The following RABEP1 variants were observed in gnomAD, a reference collection of about 807,000 sequenced individuals.
The protein encoded by RABEP1 is rab GTPase-binding effector protein 1.
RABEP1 carries 51 observed loss-of-function variants against 123.4 expected under a neutral mutation model. The observed-to-expected ratio is 0.41, with a 90% CI of 0.33 to 0.52. The LOEUF is 0.52. RABEP1 is among the 20% of genes least tolerant of loss of function. RABEP1 has a pLI of 0.16. For synonymous variants in RABEP1, 347 were observed against 355.2 expected (o/e 0.98, Z 0.26); for missense variants, 888 against 996.3 (o/e 0.89, Z 1.46).
intron 1 of RABEP1, among the ~76,000 whole-genome samples, chr17:5,302,243 C>CTTTTTTTTTTTTTT (rs1567869348): frequency 4.6e-5 from 1 of 21,566 alleles, no homozygotes; most frequent in African/African-American, 3.0e-4. Context: ...TTACTGAAAA[C>CTTTTTTTTTTTTTT]ATTTTTTTTT....
chr17:5,294,942 G>A (rs1350159595), intron 1 of RABEP1, among the ~76,000 whole-genome samples: 1 of 151,034 alleles, frequency 6.6e-6, no homozygotes, highest in Non-Finnish European at 1.5e-5. Flanking sequence ...CACCGTGCCC[G>A]GCCAACGGTA....
chr17:5,379,163 C>CAGA (rs1911241735), intron 15 of RABEP1, among the ~76,000 whole-genome samples: 1 of 152,216 alleles, frequency 6.6e-6, no homozygotes, highest in Admixed American at 6.5e-5. Context: ...TCACTCTCAG[C>CAGA]AGATGCTGGC....
Position 5,350,645 on chromosome 17 carries a change from T to C in RABEP1, c.963+16T>C. Reference sequence around the variant, plus strand: ...GAAAGATCAGGTGAATAGAAGTTTTTAGGACTGATTTGCTTTGTCAGTAAT... The same window carrying C: ...GAAAGATCAGGTGAATAGAAGTTTTCAGGACTGATTTGCTTTGTCAGTAAT... On this transcript the variant is annotated intron_variant, in intron 7 of 17. Coordinates refer to ENST00000537505, the MANE Select transcript of RABEP1 (RefSeq NM_004703.6). 6.2e-7 allele frequency: 1 copy of C among 1,613,046 alleles called. No homozygotes were observed. The highest frequency in any genetic ancestry group is 8.5e-7 in the Non-Finnish European group (1 of 1,179,570).
At chr17:5,341,584 GAA>G (rs1907614273) in intron 5 of RABEP1, among the ~76,000 whole-genome samples, 1 of 152,156 alleles carries the variant, frequency 6.6e-6, no homozygotes, top group Non-Finnish European at 1.5e-5. Context: ...CAAAAAGAGA[GAA>G]AGCTCTCCAA....
chr17:5,296,968 G>A lies in RABEP1; in HGVS notation c.35-11726G>A, dbSNP rs1443509957. The stretch of plus-strand genomic sequence containing the variant: ...TGCTCAGACTGGTCTCGAACTCTTG[G>A]CTCAAATGATCTGCCTGCCTCAGCT... On this transcript the variant is annotated intron_variant, in intron 1 of 17. Transcript: ENST00000537505. Among the ~76,000 whole-genome samples, 2 of 151,700 alleles carry A rather than the reference G, an allele frequency of 1.3e-5. 1 individual carries two copies. The highest frequency in any genetic ancestry group is 1.3e-4 in the Admixed American group (2 of 15,236).
chr17:5,386,177 G>A lies in RABEP1; in HGVS notation c.*2954G>A, dbSNP rs377606329. ...GGGTTTAAGCCTTCAATGGTGTTCA[G>A]TTCAGGTGTGAGTCAGCTCCTGGTG... is the stretch of plus-strand genomic sequence containing the variant. On this transcript the variant is annotated 3_prime_UTR_variant, in exon 18 of 18. Transcript: ENST00000537505. The A allele has an allele frequency of 2.5e-5, 40 of 1,573,872 alleles. No homozygotes were observed. Among genetic ancestry groups the A allele is most frequent in the Non-Finnish European group, 3.4e-5 (39 of 1,147,074 alleles).
chr17:5,305,669 A>C (rs1434175489), intron 1 of RABEP1, among the ~76,000 whole-genome samples: 1 of 152,142 alleles, frequency 6.6e-6, no homozygotes, highest in African/African-American at 2.4e-5. Context: ...TTACCTCTGT[A>C]CTAATCAGTA....
intron 1 of RABEP1, among the ~76,000 whole-genome samples, chr17:5,290,222 G>A (rs947423339): frequency 2.6e-5 from 4 of 152,102 alleles, no homozygotes; most frequent in African/African-American, 4.8e-5. Context: ...CAAGTAGTTG[G>A]GACTACAGGC....
intron 1 of RABEP1, among the ~76,000 whole-genome samples, chr17:5,290,712 C>T (rs1597324622): frequency 6.6e-6 from 1 of 152,058 alleles, no homozygotes; most frequent in African/African-American, 2.4e-5. Flanking sequence ...TTCATCTCAG[C>T]CTTTGGAGTA....
chr17:5,302,758 C>G (rs1027914195), intron 1 of RABEP1, among the ~76,000 whole-genome samples: 2 of 152,102 alleles, frequency 1.3e-5, no homozygotes, highest in Non-Finnish European at 2.9e-5. Flanking sequence ...AAACTCCTGG[C>G]CTCAAGCAGT....
At chr17:5,286,809 G>A (rs1447441059) in intron 1 of RABEP1, among the ~76,000 whole-genome samples, 2 of 152,154 alleles carry the variant, frequency 1.3e-5, no homozygotes, top group African/African-American at 4.8e-5. Flanking sequence ...GTAAGCAAAT[G>A]ATACGGGTTG....
At chr17:5,378,026 T>C in intron 14 of RABEP1, 151 bp from the exon 15 acceptor site, 1 of 605,640 alleles carries the variant, frequency 1.7e-6, no homozygotes, top group Admixed American at 3.1e-5. Flanking sequence ...CTAAATATGC[T>C]GATTGCTTGG....
chr17:5,353,565 G>C (rs1475908741), intron 7 of RABEP1, among the ~76,000 whole-genome samples: 1 of 151,922 alleles, frequency 6.6e-6, no homozygotes, highest in Non-Finnish European at 1.5e-5. Flanking sequence ...AAACTTTTTT[G>C]GGTGGGGTGT....
chr17:5,305,614 A>C (rs1403153666), intron 1 of RABEP1, among the ~76,000 whole-genome samples: 1 of 152,100 alleles, frequency 6.6e-6, no homozygotes, highest in South Asian at 2.1e-4. Flanking sequence ...ATAAGAACAG[A>C]GGGATTTTGG....
In RABEP1 at chr17:5,384,230, G is replaced by C. The variant is rs1443981919; in HGVS notation, c.*1007G>C. On this transcript the variant is annotated 3_prime_UTR_variant, in exon 18 of 18. Coordinates refer to ENST00000537505, the MANE Select transcript of RABEP1 (RefSeq NM_004703.6). ...AAGTGACAATGCTTATGGAAAGCCAGTTAGTTAGAATTGGAAATCTGTCTT... is the reference window on the plus strand; with the variant it reads ...AAGTGACAATGCTTATGGAAAGCCACTTAGTTAGAATTGGAAATCTGTCTT... The C allele has an allele frequency of 9.3e-6, 2 of 214,702 alleles. No homozygotes were observed. Among genetic ancestry groups the C allele is most frequent in the African/African-American group, 4.5e-5 (2 of 44,322 alleles). The allele number at this position is 214,702 out of a possible 1,614,324, so 13.3% of individuals were successfully genotyped here.
chr17:5,346,961 GA>G, intron 6 of RABEP1, 36 bp downstream of exon 6: 1 of 1,503,264 alleles, frequency 6.7e-7, no homozygotes, highest in Non-Finnish European at 9.0e-7. Context: ...TTGTCTCTAA[GA>G]ACCATATAAG....
chr17:5,293,456 G>A (rs1357126732), intron 1 of RABEP1, among the ~76,000 whole-genome samples: 1 of 151,768 alleles, frequency 6.6e-6, no homozygotes, highest in African/African-American at 2.4e-5. Flanking sequence ...TTTGAGACAG[G>A]GTCTCTCTCC....
Position 5,282,350 on chromosome 17 carries a change from G to A in RABEP1, c.-137G>A. On this transcript the variant is annotated 5_prime_UTR_variant, in exon 1 of 18. Coordinates refer to ENST00000537505, the MANE Select transcript of RABEP1 (RefSeq NM_004703.6). ...TGCCCGCGGCTGTGGCGGCGCCGGC[G>A]GATCCAGCCTTAGCGGTTTCTCTCT... 4.7e-6 allele frequency: 3 copies of A among 644,110 alleles called. No homozygotes were observed. The highest frequency in any genetic ancestry group is 1.9e-5 in the African/African-American group (1 of 52,558). 39.9% of individuals were successfully genotyped at this position (644,110 alleles called of 1,614,324 possible).
intron 2 of RABEP1, among the ~76,000 whole-genome samples, chr17:5,309,704 G>A (rs1263468218): frequency 6.6e-6 from 1 of 151,394 alleles, no homozygotes; most frequent in Non-Finnish European, 1.5e-5. Flanking sequence ...ATACATGAGA[G>A]AACATGTTGG....
Sources: gnomAD v4.1 joint callset for allele counts (sites outside exome capture counted in the v4.1 genomes callset) on GRCh38, gnomAD v4.1.1 for gene constraint, MANE v1.5 for transcripts, NCBI Gene and HGNC (gene_info 2026-07-23, HGNC 2026-07-21) for gene names.